PLXNA4: variants seen among roughly 807,000 people sequenced by gnomAD.
PLXNA4 encodes the protein plexin A4.
Under a neutral mutation model 191.8 loss-of-function variants are expected in PLXNA4, and 44 were observed. That is an observed-to-expected ratio of 0.23 (90% CI 0.18 to 0.29). PLXNA4 has a LOEUF of 0.29. PLXNA4 is among the 10% of genes least tolerant of loss of function. PLXNA4 has a pLI of 1.00. For synonymous variants in PLXNA4, 1,082 were observed against 1,009.5 expected (o/e 1.07, Z -1.36); for missense variants, 1,800 against 2,488.8 (o/e 0.72, Z 5.89).
intron 3 of PLXNA4, among the ~76,000 whole-genome samples, chr7:132,300,048 C>T (rs2116512850): frequency 6.6e-6 from 1 of 152,310 alleles, no homozygotes; most frequent in Non-Finnish European, 1.5e-5. Flanking sequence ...CAAAGCCTGC[C>T]TGACATTGGG....
At chr7:132,287,569 C>A (rs184426395) in intron 4 of PLXNA4, among the ~76,000 whole-genome samples, 1 of 152,162 alleles carries the variant, frequency 6.6e-6, no homozygotes, top group Non-Finnish European at 1.5e-5. Context: ...TCATGACCCC[C>A]CCCGGAGCCT....
rs979865879 is a variant in PLXNA4, at chr7:132,179,537, A to G, written c.3874+150T>C. 2.0e-5 allele frequency: 23 copies of G among 1,139,550 alleles called. No individual in the cohort carries two copies. The African/African-American group carries it at 3.6e-4, about 18-fold the overall frequency. 70.6% of individuals were successfully genotyped at this position (1,139,550 alleles called of 1,614,324 possible). On this transcript the variant is annotated intron_variant, in intron 20 of 31. Coordinates refer to ENST00000321063, the MANE Select transcript of PLXNA4 (RefSeq NM_020911.2). ...TGCACACACACACATTCGCACAGAC[A>G]CACACACCGCCAGCCTCCAGCACTG...
At chr7:132,635,170 TTA>T (rs3037811) in intron 2 of PLXNA4, among the ~76,000 whole-genome samples, 19,577 of 131,174 alleles carry the variant, frequency 0.15, 1,401 homozygotes, top group Admixed American at 0.17. Context: ...AAACTCCCCT[TTA>T]TATATATATA....
In PLXNA4 at chr7:132,446,292, A is replaced by AT. The variant is rs1478477213; in HGVS notation, c.1371+42999_1371+43000insA. Among the ~76,000 whole-genome samples the AT allele has an allele frequency of 2.0e-5, 3 of 152,170 alleles. No homozygotes were observed. The East Asian group carries it at 5.8e-4, about 29-fold the overall frequency. ...CGAACAACAACAAATACCCCATTATACTTCTTTTTGTCACCTCACAGCCCA... is the reference window on the plus strand; with the variant it reads ...CGAACAACAACAAATACCCCATTATATCTTCTTTTTGTCACCTCACAGCCCA... On this transcript the variant is annotated intron_variant, in intron 3 of 31. Coordinates refer to ENST00000321063, the MANE Select transcript of PLXNA4 (RefSeq NM_020911.2).
At chr7:132,179,056 A>ACT (rs1796596450) in intron 20 of PLXNA4, among the ~76,000 whole-genome samples, 1 of 53,942 alleles carries the variant, frequency 1.9e-5, no homozygotes, top group African/African-American at 6.4e-5. Context: ...ACACACACAC[A>ACT]CGGCCTCCAG....
intron 5 of PLXNA4, among the ~76,000 whole-genome samples, chr7:132,233,684 G>A (rs1798598570): frequency 6.6e-6 from 1 of 152,216 alleles, no homozygotes; most frequent in Non-Finnish European, 1.5e-5. Context: ...AGGTTCAGGG[G>A]TTGAGTGGAG....
intron 31 of PLXNA4, among the ~76,000 whole-genome samples, chr7:132,130,844 A>G (rs983899109): frequency 6.6e-6 from 1 of 152,188 alleles, no homozygotes; most frequent in Admixed American, 6.5e-5. Context: ...TCTACTGGCT[A>G]CAAAAGATGG....
upstream of PLXNA4, among the ~76,000 whole-genome samples, chr7:132,580,755 T>C (rs575784700): frequency 6.6e-6 from 1 of 152,312 alleles, no homozygotes; most frequent in African/African-American, 2.4e-5. Flanking sequence ...GATTTGCTCG[T>C]TAAATAAATC....
At chr7:132,558,545 G>C (rs184597365) in intron 1 of PLXNA4, among the ~76,000 whole-genome samples, 57 of 152,280 alleles carry the variant, frequency 3.7e-4, no homozygotes, top group African/African-American at 1.2e-3. Context: ...TGCCAAGAAG[G>C]CTTCGGTCTT....
intron 1 of PLXNA4, among the ~76,000 whole-genome samples, chr7:132,547,013 A>G (rs1461708843): frequency 6.6e-6 from 1 of 152,218 alleles, no homozygotes; most frequent in Admixed American, 6.5e-5. Context: ...GGCCTGAAAA[A>G]TACATCTATG....
At chr7:132,412,760 A>G (rs984488737) in intron 3 of PLXNA4, among the ~76,000 whole-genome samples, 8 of 152,124 alleles carry the variant, frequency 5.3e-5, no homozygotes, top group African/African-American at 1.4e-4. Flanking sequence ...CAGCCAAGAC[A>G]CAATTCTTGT....
At chr7:132,371,106 C>T (rs910212656) in intron 3 of PLXNA4, among the ~76,000 whole-genome samples, 4 of 152,020 alleles carry the variant, frequency 2.6e-5, no homozygotes, top group African/African-American at 9.7e-5. Flanking sequence ...GGTCTGCAGA[C>T]ACACATGCCC....
At chr7:132,548,196 C>T (rs1473706412) in intron 1 of PLXNA4, among the ~76,000 whole-genome samples, 1 of 152,142 alleles carries the variant, frequency 6.6e-6, no homozygotes, top group Non-Finnish European at 1.5e-5. Context: ...GAGAGTCCTG[C>T]TTGTTGAAAA....
chr7:132,569,335 A>C (rs1801872159), intron 1 of PLXNA4, among the ~76,000 whole-genome samples: 1 of 151,982 alleles, frequency 6.6e-6, no homozygotes, highest in Non-Finnish European at 1.5e-5. Flanking sequence ...CCGGGATCTC[A>C]CCCCTCAATA....
At chr7:132,213,974 T>C (rs1797883628) in intron 9 of PLXNA4, among the ~76,000 whole-genome samples, 2 of 152,146 alleles carry the variant, frequency 1.3e-5, no homozygotes, top group Non-Finnish European at 2.9e-5. Flanking sequence ...ACCCCATCTA[T>C]TTTGCAAAGG....
chr7:132,198,233 A>C (rs1797313265), intron 13 of PLXNA4, among the ~76,000 whole-genome samples: 1 of 152,204 alleles, frequency 6.6e-6, no homozygotes. Context: ...TTATGCCCCA[A>C]GTAGGTAACA....
At chr7:132,168,718 C>A in intron 21 of PLXNA4, 146 bp from the exon 22 acceptor site, 2 of 1,204,348 alleles carry the variant, frequency 1.7e-6, no homozygotes, top group Non-Finnish European at 1.1e-6. Flanking sequence ...AAGCCCTTAG[C>A]ACTGAGTTAA....
At chr7:132,209,774 A>C (rs1797735545) in intron 10 of PLXNA4, among the ~76,000 whole-genome samples, 1 of 152,164 alleles carries the variant, frequency 6.6e-6, no homozygotes, top group Non-Finnish European at 1.5e-5. Context: ...CCAAATACAG[A>C]CATTGCACAT....
intron 4 of PLXNA4, 152 bp downstream of exon 4, chr7:132,297,939 G>T: frequency 1.1e-6 from 1 of 921,998 alleles, no homozygotes; most frequent in East Asian, 2.6e-5. Flanking sequence ...CAGTCCCCAG[G>T]CAGCATAACT....
Sources: allele counts gnomAD v4.1 joint callset (sites outside exome capture counted in the v4.1 genomes callset), GRCh38; gene constraint gnomAD v4.1.1; transcripts MANE v1.5; gene names NCBI Gene and HGNC (gene_info 2026-07-23, HGNC 2026-07-21).